Variants in STPG2 observed in about 807,000 individuals in gnomAD.
The protein encoded by STPG2 is sperm tail PG-rich repeat containing 2, also known as sperm-tail PG-rich repeat-containing protein 2.
A neutral mutation model predicts 54.2 loss-of-function variants in STPG2; 56 were observed. The observed-to-expected ratio is 1.03, with a 90% CI of 0.83 to 1.29. The LOEUF is 1.29. Among genes scored for constraint, STPG2 ranks in the 50% most tolerant of loss-of-function variants. STPG2 has a pLI of 0.00. For synonymous variants in STPG2, 200 were observed against 181.8 expected (o/e 1.10, Z -0.81); for missense variants, 596 against 544.9 (o/e 1.09, Z -0.93).
At chr4:98,050,874 G>A (rs1013248547) in intron 5 of STPG2, among the ~76,000 whole-genome samples, 11 of 151,894 alleles carry the variant, frequency 7.2e-5, no homozygotes, top group Admixed American at 4.6e-4. Context: ...GCGTGGTGTC[G>A]GACGCCTGTA....
chr4:97,947,977 G>A (rs1733303757), intron 7 of STPG2, among the ~76,000 whole-genome samples: 1 of 152,018 alleles, frequency 6.6e-6, no homozygotes. Flanking sequence ...TCACCAGTAG[G>A]ATTGGTACCA....
At chr4:97,683,098 C>T (rs947287389) in intron 10 of STPG2, among the ~76,000 whole-genome samples, 1 of 151,736 alleles carries the variant, frequency 6.6e-6, no homozygotes, top group Non-Finnish European at 1.5e-5. Flanking sequence ...ATTCCTGGGT[C>T]AGATACGAAT....
chr4:97,624,060 C>G (rs1734079794), intron 10 of STPG2, among the ~76,000 whole-genome samples: 3 of 152,062 alleles, frequency 2.0e-5, no homozygotes, highest in African/African-American at 7.2e-5. Context: ...TGGGTTGATT[C>G]CATGTCTTTG....
intron 5 of STPG2, among the ~76,000 whole-genome samples, chr4:97,988,822 C>T (rs2149267843): frequency 6.6e-6 from 1 of 152,244 alleles, no homozygotes; most frequent in East Asian, 1.9e-4. Context: ...ATCTTGGGTT[C>T]CCCAGACTGG....
chr4:97,557,056 C>G (rs1273194378), downstream of STPG2, among the ~76,000 whole-genome samples: 2 of 152,088 alleles, frequency 1.3e-5, no homozygotes, highest in Non-Finnish European at 2.9e-5. Flanking sequence ...TGGCACACGC[C>G]TGTAGTCCCA....
At chr4:98,121,966 C>T (rs546415470) in intron 3 of STPG2, among the ~76,000 whole-genome samples, 2 of 152,168 alleles carry the variant, frequency 1.3e-5, no homozygotes, top group South Asian at 2.1e-4. Context: ...GTGATCCACC[C>T]GCATCAGCCT....
At chr4:97,978,782 T>A (rs1734575845) in intron 6 of STPG2, among the ~76,000 whole-genome samples, 1 of 152,142 alleles carries the variant, frequency 6.6e-6, no homozygotes, top group Non-Finnish European at 1.5e-5. Context: ...CCCCAGTCTA[T>A]CCAGATAACA....
intron 8 of STPG2, among the ~76,000 whole-genome samples, chr4:97,871,551 A>T (rs958443268): frequency 2.0e-5 from 3 of 151,220 alleles, no homozygotes; most frequent in Non-Finnish European, 4.5e-5. Context: ...TTGAAAACTT[A>T]GATAACATGA....
intron 10 of STPG2, among the ~76,000 whole-genome samples, chr4:97,634,773 GA>G (rs1721447949): frequency 6.6e-6 from 1 of 151,980 alleles, no homozygotes; most frequent in Admixed American, 6.6e-5. Flanking sequence ...AATGAAGTGA[GA>G]AGGAAAGTTT....
chr4:98,110,533 A>G (rs1459855546), intron 3 of STPG2, among the ~76,000 whole-genome samples: 1 of 152,090 alleles, frequency 6.6e-6, no homozygotes, highest in Non-Finnish European at 1.5e-5. Context: ...AGCCCACCCC[A>G]AGGAAAGACT....
chr4:97,585,123 A>AC (rs1732963947), intron 10 of STPG2, among the ~76,000 whole-genome samples: 1 of 119,520 alleles, frequency 8.4e-6, no homozygotes, highest in Non-Finnish European at 1.5e-5. Flanking sequence ...AAAAAAAAAA[A>AC]ACAAAACTAC....
chr4:97,788,221 G>A (rs1408088125), intron 9 of STPG2, among the ~76,000 whole-genome samples: 3 of 151,776 alleles, frequency 2.0e-5, no homozygotes, highest in Admixed American at 6.6e-5. Flanking sequence ...CTTCCCCTAT[G>A]ACCCACTACC....
chr4:97,876,672 AT>A (rs1480490403), intron 8 of STPG2, among the ~76,000 whole-genome samples: 1 of 152,166 alleles, frequency 6.6e-6, no homozygotes, highest in South Asian at 2.1e-4. Context: ...GTTTTAAAAC[AT>A]TTTTTAAAAA....
At position 97,972,279 on chromosome 4, in the gene STPG2, C is replaced by T. The variant is rs1288270960; in HGVS notation, c.933+1G>A. 6.4e-6 allele frequency: 10 copies of T among 1,568,938 alleles called. No individual in the cohort carries two copies. The highest frequency in any genetic ancestry group is 8.6e-6 in the Non-Finnish European group (10 of 1,157,528). On this transcript the variant is annotated splice_donor_variant, in intron 7 of 10. Transcript: ENST00000295268. LOFTEE classifies it high-confidence loss of function. The stretch of plus-strand genomic sequence containing the variant: ...ATATTATTTTTGTATGAATGTATTA[C>T]CTGATAATCAGCAGGTCCAGGGGTA...
chr4:97,534,394 A>C (rs1425101729), intron 4 of STPG2, among the ~76,000 whole-genome samples: 2 of 152,094 alleles, frequency 1.3e-5, no homozygotes, highest in African/African-American at 4.8e-5. Flanking sequence ...TCTAGAAGTT[A>C]TATACTGTTA....
chr4:98,049,799 G>C (rs538044842), intron 5 of STPG2, among the ~76,000 whole-genome samples: 1 of 152,202 alleles, frequency 6.6e-6, no homozygotes, highest in Non-Finnish European at 1.5e-5. Context: ...ATATTACAAA[G>C]AGAGAGAAAA....
At chr4:97,922,026 T>C (rs1369423522) in intron 8 of STPG2, among the ~76,000 whole-genome samples, 1 of 152,090 alleles carries the variant, frequency 6.6e-6, no homozygotes, top group Non-Finnish European at 1.5e-5. Context: ...GGAGGGCAGG[T>C]GAAGAAATGG....
At chr4:97,449,154 A>G (rs1195251863) in intron 4 of STPG2, among the ~76,000 whole-genome samples, 4 of 152,242 alleles carry the variant, frequency 2.6e-5, no homozygotes, top group East Asian at 1.9e-4. Context: ...AGTCATATAT[A>G]TTTGGTAGAG....
chr4:97,567,738 ATATAT>A (rs1732491773), intron 10 of STPG2, among the ~76,000 whole-genome samples: 1 of 152,050 alleles, frequency 6.6e-6, no homozygotes, highest in South Asian at 2.1e-4. Flanking sequence ...AGGACAAAAG[ATATAT>A]TGTATATTAC....
Sources: allele counts gnomAD v4.1 joint callset (sites outside exome capture counted in the v4.1 genomes callset), GRCh38; gene constraint gnomAD v4.1.1; transcripts MANE v1.5; gene names NCBI Gene and HGNC (gene_info 2026-07-23, HGNC 2026-07-21).